The following ZRANB3 variants were observed in gnomAD, a reference collection of about 807,000 sequenced individuals.
ZRANB3 encodes DNA annealing helicase and endonuclease ZRANB3.
A neutral mutation model predicts 133.8 loss-of-function variants in ZRANB3; 125 were observed. The ratio of observed to expected loss-of-function variants is 0.93; its 90% CI spans 0.81 to 1.08. The LOEUF is 1.08. Ranked by LOEUF, ZRANB3 falls within the 50% of genes least tolerant of loss-of-function variation. ZRANB3 has a pLI of 0.00. For missense variants in ZRANB3, 1,229 were observed against 1,275.5 expected, an observed-to-expected ratio of 0.96 and a Z score of 0.56; for synonymous variants, 387 against 432.7, an observed-to-expected ratio of 0.89 and a Z score of 1.31.
At chr2:135,275,778 T>C in intron 8 of ZRANB3, 23 bp from the exon 9 acceptor site, 1 of 1,475,130 alleles carries the variant, frequency 6.8e-7, no homozygotes, top group Non-Finnish European at 9.1e-7. Flanking sequence ...AGGTAAACCT[T>C]ATTAGTGTCA....
intron 15 of ZRANB3, among the ~76,000 whole-genome samples, 156 bp downstream of exon 15, chr2:135,224,270 A>G (rs1351765163): frequency 1.3e-5 from 2 of 152,218 alleles, no homozygotes; most frequent in African/African-American, 2.4e-5. Flanking sequence ...TTTACCTCTC[A>G]TTGTCTGTAG....
intron 7 of ZRANB3, among the ~76,000 whole-genome samples, chr2:135,313,969 AT>A (rs1211232104): frequency 1.3e-5 from 2 of 152,188 alleles, no homozygotes; most frequent in Non-Finnish European, 2.9e-5. Flanking sequence ...GGTTCAAGCG[AT>A]TCGCCTGCCT....
intron 2 of ZRANB3, among the ~76,000 whole-genome samples, chr2:135,453,155 A>G (rs1306668909): frequency 6.6e-6 from 1 of 152,232 alleles, no homozygotes; most frequent in Non-Finnish European, 1.5e-5. Context: ...CCACCCTCTG[A>G]AGCCATAGCC....
intron 2 of ZRANB3, among the ~76,000 whole-genome samples, chr2:135,480,412 T>A (rs943134245): frequency 6.6e-6 from 1 of 152,036 alleles, no homozygotes; most frequent in Non-Finnish European, 1.5e-5. Flanking sequence ...AGCCAAATAA[T>A]AAGGATTATA....
At chr2:135,271,456 A>G (rs925625500) in intron 10 of ZRANB3, 4 of 466,710 alleles carry the variant, frequency 8.6e-6, no homozygotes, top group East Asian at 6.2e-5. Flanking sequence ...AGAAAAGCCT[A>G]TACAAATTCA....
intron 2 of ZRANB3, among the ~76,000 whole-genome samples, chr2:135,485,214 A>ATAACATAACAT (rs1470690190): frequency 1.3e-5 from 2 of 149,874 alleles, no homozygotes; most frequent in Non-Finnish European, 2.9e-5. Context: ...ATAACATAAC[A>ATAACATAACAT]GCCAAACACA....
intron 8 of ZRANB3, among the ~76,000 whole-genome samples, chr2:135,277,536 A>T (rs552085159): frequency 6.6e-6 from 1 of 152,370 alleles, no homozygotes; most frequent in South Asian, 2.1e-4. Context: ...TATAAAGAAG[A>T]AAAACAGTAC....
intron 12 of ZRANB3, among the ~76,000 whole-genome samples, chr2:135,253,093 G>A (rs903182758): frequency 6.6e-6 from 1 of 152,202 alleles, no homozygotes; most frequent in African/African-American, 2.4e-5. Flanking sequence ...GGCTTTATTA[G>A]TAGACCTGTA....
At chr2:135,423,141 T>G (rs1322072959) in intron 2 of ZRANB3, among the ~76,000 whole-genome samples, 1 of 152,162 alleles carries the variant, frequency 6.6e-6, no homozygotes, top group Non-Finnish European at 1.5e-5. Context: ...TGTGTTTAAC[T>G]ATCTCCCCTG....
intron 12 of ZRANB3, among the ~76,000 whole-genome samples, chr2:135,263,716 GA>G (rs1239667891): frequency 6.7e-6 from 1 of 149,216 alleles, no homozygotes; most frequent in Non-Finnish European, 1.5e-5. Flanking sequence ...AGTTTAAAAA[GA>G]AAAAAAGGTA....
intron 9 of ZRANB3, among the ~76,000 whole-genome samples, chr2:135,275,213 C>T (rs1157723012): frequency 2.6e-5 from 4 of 151,116 alleles, no homozygotes; most frequent in Non-Finnish European, 4.4e-5. Context: ...GGCAGAGGCG[C>T]CCCCCACCTC....
intron 2 of ZRANB3, among the ~76,000 whole-genome samples, chr2:135,400,927 C>T (rs1028713721): frequency 1.3e-5 from 2 of 152,126 alleles, no homozygotes; most frequent in African/African-American, 4.8e-5. Flanking sequence ...TCTTTGTTAA[C>T]TGTTAAGTCA....
At chr2:135,478,142 T>C (rs551709896) in intron 2 of ZRANB3, among the ~76,000 whole-genome samples, 1 of 152,278 alleles carries the variant, frequency 6.6e-6, no homozygotes, top group East Asian at 1.9e-4. Flanking sequence ...ATTTCGATAG[T>C]GTCTATGCTT....
intron 6 of ZRANB3, among the ~76,000 whole-genome samples, chr2:135,337,649 T>A (rs1684425131): frequency 6.6e-6 from 1 of 152,152 alleles, no homozygotes; most frequent in African/African-American, 2.4e-5. Flanking sequence ...GATTTATAGT[T>A]TAATCAAAAC....
At chr2:135,469,402 T>C (rs917387938) in intron 2 of ZRANB3, among the ~76,000 whole-genome samples, 1 of 152,236 alleles carries the variant, frequency 6.6e-6, no homozygotes, top group African/African-American at 2.4e-5. Flanking sequence ...AGTTACATGA[T>C]CAAGTATGGA....
At chr2:135,297,053 AT>A (rs1682160448) in intron 8 of ZRANB3, among the ~76,000 whole-genome samples, 1 of 152,218 alleles carries the variant, frequency 6.6e-6, no homozygotes, top group Non-Finnish European at 1.5e-5. Context: ...CAGTCTGCCC[AT>A]TCTCAGATCT....
At chr2:135,211,131 T>C (rs1440057231) in intron 17 of ZRANB3, among the ~76,000 whole-genome samples, 1 of 152,168 alleles carries the variant, frequency 6.6e-6, no homozygotes, top group African/African-American at 2.4e-5. Flanking sequence ...CATTGACATA[T>C]CATTCACAGA....
intron 2 of ZRANB3, among the ~76,000 whole-genome samples, chr2:135,501,839 G>A (rs889180949): frequency 1.3e-5 from 2 of 152,110 alleles, no homozygotes; most frequent in Admixed American, 1.3e-4. Flanking sequence ...CGTCTCTCCC[G>A]TGCACCACAT....
intron 1 of ZRANB3, among the ~76,000 whole-genome samples, chr2:135,526,554 G>A (rs1193557756): frequency 6.6e-6 from 1 of 152,140 alleles, no homozygotes; most frequent in Non-Finnish European, 1.5e-5. Flanking sequence ...GGTTTTATTT[G>A]AAACTATATA....
Sources: gnomAD v4.1 joint callset for allele counts (sites outside exome capture counted in the v4.1 genomes callset) on GRCh38, gnomAD v4.1.1 for gene constraint, MANE v1.5 for transcripts, NCBI Gene and HGNC (gene_info 2026-07-23, HGNC 2026-07-21) for gene names.